CFAP99: variants seen among roughly 807,000 people sequenced by gnomAD.
CFAP99 encodes the protein cilia- and flagella-associated protein 99.
In CFAP99, 84 loss-of-function variants were observed where a neutral mutation model predicts 82.7. The ratio of observed to expected loss-of-function variants is 1.02; its 90% CI spans 0.85 to 1.22. The LOEUF is 1.22. CFAP99 is among the 50% of genes most tolerant of loss of function. The pLI is 0.00. For missense variants in CFAP99, 1,059 were observed against 983.5 expected (o/e 1.08, Z -1.03); for synonymous variants, 456 against 429.5 (o/e 1.06, Z -0.76).
At chr4:2,441,707 C>G (rs537521058) in intron 4 of CFAP99, among the ~76,000 whole-genome samples, 1 of 152,222 alleles carries the variant, frequency 6.6e-6, no homozygotes, top group Non-Finnish European at 1.5e-5. Flanking sequence ...ACCCCATGCC[C>G]CGCTGGGCCA....
chr4:2,445,205 C>T lies in CFAP99; in HGVS notation c.539C>T (p.Thr180Ile), dbSNP rs988050564. 6.8e-7 allele frequency: 1 copy of T among 1,461,922 alleles called. No individual in the cohort carries two copies. Among genetic ancestry groups the T allele is most frequent in the Non-Finnish European group, 9.0e-7 (1 of 1,110,120 alleles). The allele number at this position is 1,461,922 out of a possible 1,614,324, so 90.6% of individuals were successfully genotyped here. The change falls in exon 6 of 15, where the codon ACC (threonine) becomes ATC (isoleucine). Residue 180 changes from threonine (T) to isoleucine (I), a missense_variant. Thr to Ile is a moderately conservative substitution (Grantham distance 89). Transcript: ENST00000635017. The stretch of plus-strand genomic sequence containing the variant: ...GCCAGTCAATCCTCTCCTTTAAAGA[C>T]CAAGGCCAAGGTCACAGAGCCCAAG...
intron 2 of CFAP99, 29 bp downstream of exon 2, chr4:2,426,615 C>T: frequency 7.1e-7 from 1 of 1,398,712 alleles, no homozygotes; most frequent in Non-Finnish European, 9.8e-7. Context: ...TGCTGGGAGG[C>T]CACGCCAATG....
intron 14 of CFAP99, 31 bp downstream of exon 14, chr4:2,460,273 G>T: frequency 6.5e-7 from 1 of 1,527,882 alleles, no homozygotes. Context: ...GGGTGCCTCT[G>T]GGTGGACAGG....
At chr4:2,454,577 T>C (rs1560388749) in intron 11 of CFAP99, among the ~76,000 whole-genome samples, 1 of 134,954 alleles carries the variant, frequency 7.4e-6, no homozygotes, top group Non-Finnish European at 1.6e-5. Flanking sequence ...TTGTTGTTTT[T>C]TTTCTTTTTT....
chr4:2,423,509 G>A (rs916465306), intron 1 of CFAP99, among the ~76,000 whole-genome samples: 15 of 152,238 alleles, frequency 9.9e-5, no homozygotes, highest in African/African-American at 2.9e-4. Flanking sequence ...GGGATCAGAG[G>A]AGAGTGAAAG....
intron 2 of CFAP99, among the ~76,000 whole-genome samples, chr4:2,434,146 G>C (rs1283150224): frequency 6.6e-6 from 1 of 152,218 alleles, no homozygotes; most frequent in Non-Finnish European, 1.5e-5. Flanking sequence ...GCCAAGCCCA[G>C]GAGGCTGGTT....
Position 2,462,462 on chromosome 4 carries a change from C to CT in CFAP99, c.1683dup (p.Ala562CysfsTer?). The CT allele has an allele frequency of 6.8e-7, 1 of 1,465,734 alleles. No individual in the cohort carries two copies. Among genetic ancestry groups the CT allele is most frequent in the Non-Finnish European group, 8.9e-7 (1 of 1,118,914 alleles). 90.8% of individuals were successfully genotyped at this position (1,465,734 alleles called of 1,614,324 possible). ...CGCCAGGTGGGAGGAAAAGAAGGCCCTTGCGGCGGCCCCGGCGGCGCCCTC... is the reference window on the plus strand; with the variant it reads ...CGCCAGGTGGGAGGAAAAGAAGGCCCTTTGCGGCGGCCCCGGCGGCGCCCTC... On this transcript the variant is annotated frameshift_variant, in exon 15 of 15. Coordinates refer to ENST00000635017, the Ensembl canonical transcript of CFAP99. LOFTEE classifies it low-confidence loss of function (END_TRUNC). This position sits in a 1 kb window ranked among gnomAD's most constrained non-coding sequence, Gnocchi z 4.1.
In CFAP99 at chr4:2,448,020, A is replaced by AATGGATGG. The variant is rs145357095; in HGVS notation, c.643-1634_643-1627dup. Reference sequence around the variant, plus strand: ...AAGTAGATGGATGGATAAGTGGATGAATGGATGGATGGATGGATGGATGAT... The same window carrying AATGGATGG: ...AAGTAGATGGATGGATAAGTGGATGAATGGATGGATGGATGGATGGATGGATGGATGAT... On this transcript the variant is annotated intron_variant, in intron 6 of 14. Transcript: ENST00000635017. The surrounding 1 kb of genome is among the most constrained non-coding windows in gnomAD (Gnocchi z 5.2). Among the ~76,000 whole-genome samples the AATGGATGG allele has an allele frequency of 0.19, 26,396 of 141,714 alleles. 2,504 individuals are homozygous for AATGGATGG. The highest frequency in any genetic ancestry group is 0.28 in the South Asian group (1,188 of 4,294). The allele number at this position is 141,714 out of a possible 152,430, so 93.0% of individuals were successfully genotyped here.
intron 1 of CFAP99, among the ~76,000 whole-genome samples, chr4:2,423,085 A>G (rs1024099398): frequency 3.3e-5 from 5 of 152,192 alleles, no homozygotes; most frequent in Non-Finnish European, 5.9e-5. Context: ...CTGTGAGCTC[A>G]CTGCCTACAG....
At chr4:2,424,144 C>T (rs541850809) in intron 1 of CFAP99, among the ~76,000 whole-genome samples, 13 of 152,224 alleles carry the variant, frequency 8.5e-5, no homozygotes, top group African/African-American at 1.2e-4. Context: ...GACAGCCTGG[C>T]GTGGTGGCTC....
At chr4:2,451,235 C>A in intron 9 of CFAP99, 29 bp from the exon 10 acceptor site, 1 of 1,535,486 alleles carries the variant, frequency 6.5e-7, no homozygotes, top group South Asian at 1.2e-5. Flanking sequence ...TCCTCAAGCC[C>A]CCACCACAGC....
exon 13 of CFAP99, chr4:2,459,218 C>T: frequency 2.0e-6 from 3 of 1,535,668 alleles, no homozygotes; most frequent in Non-Finnish European, 2.6e-6. Context: ...GCACTCGAGA[C>T]ACAGCCCACG....
intron 11 of CFAP99, among the ~76,000 whole-genome samples, chr4:2,454,000 G>T (rs1024102234): frequency 4.7e-5 from 7 of 150,498 alleles, no homozygotes; most frequent in Admixed American, 6.6e-5. Flanking sequence ...TTTGGTTTTT[G>T]GTTTTTTTTT....
chr4:2,446,368 G>GTTGTTATTATTA lies in CFAP99; in HGVS notation c.642+1062_642+1063insGTTATTATTATT, dbSNP rs1262123381. Among the ~76,000 whole-genome samples the GTTGTTATTATTA allele has an allele frequency of 8.8e-5, 13 of 148,496 alleles. No individual in the cohort carries two copies. Among genetic ancestry groups the GTTGTTATTATTA allele is most frequent in the African/African-American group, 2.7e-4 (11 of 40,106 alleles). ...CTTTTTATTTCATTTTATTATTGTTGTTATTATTATTATTATTATTATTAT... is the reference window on the plus strand; with the variant it reads ...CTTTTTATTTCATTTTATTATTGTTGTTGTTATTATTATTATTATTATTATTATTATTATTAT... On this transcript the variant is annotated intron_variant, in intron 6 of 14. Transcript: ENST00000635017. This position sits in a 1 kb window ranked among gnomAD's most constrained non-coding sequence, Gnocchi z 5.0.
chr4:2,454,528 GA>G (rs138913712), intron 11 of CFAP99, among the ~76,000 whole-genome samples: 22,911 of 148,702 alleles, frequency 0.15, 1,962 homozygotes, highest in South Asian at 0.27. Flanking sequence ...TTCCTGGTAA[GA>G]ACACTTACAA....
rs1432671182 is a variant in CFAP99, at chr4:2,460,023, C to G, written c.1456-14C>G. 2.0e-6 allele frequency: 3 copies of G among 1,535,224 alleles called. No individual in the cohort carries two copies. In the East Asian group the frequency reaches 7.3e-5, roughly 38 times the overall value. ...CACAGCTCCCAGCTTGGGGCCTCCCCTACCACCCCACAGATCCCCGGCTAC... is the reference window on the plus strand; with the variant it reads ...CACAGCTCCCAGCTTGGGGCCTCCCGTACCACCCCACAGATCCCCGGCTAC... On this transcript the variant is annotated splice_polypyrimidine_tract_variant and intron_variant, in intron 13 of 14. Transcript: ENST00000635017.
At chr4:2,454,758 AC>A (rs1734389608) in intron 11 of CFAP99, among the ~76,000 whole-genome samples, 1 of 150,802 alleles carries the variant, frequency 6.6e-6, no homozygotes, top group Non-Finnish European at 1.5e-5. Context: ...CGTAGCCGGG[AC>A]CACAGATGCA....
At chr4:2,460,299 C>A in intron 14 of CFAP99, 57 bp downstream of exon 14, 2 of 1,450,984 alleles carry the variant, frequency 1.4e-6, no homozygotes, top group Non-Finnish European at 1.9e-6. Context: ...TGCTGTAAGC[C>A]TGCCTTGCAC....
At chr4:2,421,355 T>TA (rs1383641901) in intron 1 of CFAP99, among the ~76,000 whole-genome samples, 6 of 141,726 alleles carry the variant, frequency 4.2e-5, no homozygotes, top group African/African-American at 1.6e-4. Context: ...CCACCCTTTT[T>TA]TTTTTTTTTT....
Sources: gnomAD v4.1 joint callset for allele counts (sites outside exome capture counted in the v4.1 genomes callset) on GRCh38, gnomAD v4.1.1 for gene constraint, Gnocchi (gnomAD v3.1) non-coding constraint, MANE v1.5 for transcripts, NCBI Gene and HGNC (gene_info 2026-07-23, HGNC 2026-07-21) for gene names.